The following TBC1D22A variants were observed in gnomAD, a reference collection of about 807,000 sequenced individuals.
The protein encoded by TBC1D22A is putative GTPase activator.
In TBC1D22A, 38 loss-of-function variants were observed where a neutral mutation model predicts 60.2. That is an observed-to-expected ratio of 0.63 (90% CI 0.49 to 0.83). TBC1D22A has a LOEUF of 0.83. Among genes scored for constraint, TBC1D22A ranks in the 40% least tolerant of loss-of-function variants. TBC1D22A has a pLI of 0.00. For synonymous variants in TBC1D22A, 302 were observed against 281.7 expected (o/e 1.07, Z -0.72); for missense variants, 628 against 701.0 (o/e 0.90, Z 1.18).
intron 1 of TBC1D22A, among the ~76,000 whole-genome samples, chr22:46,770,545 C>G (rs1419528996): frequency 2.0e-5 from 3 of 152,232 alleles, no homozygotes; most frequent in African/African-American, 7.2e-5. Flanking sequence ...CCTCCCTCAG[C>G]AGAGTCCTGC....
chr22:47,125,674 A>G (rs2066426893), intron 12 of TBC1D22A, among the ~76,000 whole-genome samples: 1 of 152,222 alleles, frequency 6.6e-6, no homozygotes, highest in African/African-American at 2.4e-5. Context: ...TAAAACAAGT[A>G]ATGAGATCTT....
intron 4 of TBC1D22A, among the ~76,000 whole-genome samples, chr22:46,856,581 T>G (rs1237718602): frequency 1.3e-5 from 2 of 152,162 alleles, no homozygotes; most frequent in African/African-American, 4.8e-5. Flanking sequence ...AAAAAAACAG[T>G]GTAATTAGAC....
At chr22:47,143,191 C>T (rs941552211) in intron 12 of TBC1D22A, among the ~76,000 whole-genome samples, 2 of 152,106 alleles carry the variant, frequency 1.3e-5, no homozygotes, top group Non-Finnish European at 2.9e-5. Flanking sequence ...GGATCGGTAC[C>T]CTGGAGCCAC....
Position 47,102,167 on chromosome 22 carries a change from C to T in TBC1D22A, c.1330-9341C>T, listed in dbSNP as rs145006141. Among the ~76,000 whole-genome samples, 1,245 of 152,322 alleles carry T rather than the reference C, an allele frequency of 8.2e-3. 15 individuals are homozygous for T. The highest frequency in any genetic ancestry group is 0.026 in the African/African-American group (1,101 of 41,564). On this transcript the variant is annotated intron_variant, in intron 11 of 12. Coordinates refer to ENST00000337137, the MANE Select transcript of TBC1D22A (RefSeq NM_014346.5). Reference sequence around the variant, plus strand: ...CTGAGGATCCTTTCTCAGTCTCTGGCGCCTTCCTTTACCTCCCCAAAGTAG... The same window carrying T: ...CTGAGGATCCTTTCTCAGTCTCTGGTGCCTTCCTTTACCTCCCCAAAGTAG...
At chr22:47,066,878 T>C (rs7286050) in intron 11 of TBC1D22A, among the ~76,000 whole-genome samples, 3,869 of 152,222 alleles carry the variant, frequency 0.025, 170 homozygotes, top group African/African-American at 0.089. Context: ...GCAAATCCTG[T>C]CTCGAATGGG....
chr22:47,100,410 G>A (rs1401827967), intron 11 of TBC1D22A, among the ~76,000 whole-genome samples: 3 of 152,080 alleles, frequency 2.0e-5, no homozygotes, highest in Non-Finnish European at 4.4e-5. Context: ...GGCAAGGCCT[G>A]GAGAGCAGGG....
intron 12 of TBC1D22A, among the ~76,000 whole-genome samples, chr22:47,163,328 A>G (rs910751803): frequency 1.3e-5 from 2 of 152,132 alleles, no homozygotes; most frequent in African/African-American, 2.4e-5. Context: ...TGGGGACCCC[A>G]TTTGTCTTGC....
At chr22:46,854,393 T>C (rs1177856883) in intron 4 of TBC1D22A, among the ~76,000 whole-genome samples, 2 of 152,184 alleles carry the variant, frequency 1.3e-5, no homozygotes, top group East Asian at 3.8e-4. Context: ...TCCCGTTCCC[T>C]GCTCCTCCTC....
chr22:46,802,829 T>G (rs1037859730), intron 4 of TBC1D22A, among the ~76,000 whole-genome samples: 8 of 89,102 alleles, frequency 9.0e-5, no homozygotes, highest in South Asian at 3.6e-4. Context: ...GGGGCAAGAG[T>G]GGAGGCCGTG....
rs769322904 is a variant in TBC1D22A at position 47,076,361 on chromosome 22, G to GTATATATATATATATATATATATATA, written c.1330-35127_1330-35126insTATATATATATATATATATATATATA. Among the ~76,000 whole-genome samples the GTATATATATATATATATATATATATA allele has an allele frequency of 9.8e-5, 10 of 101,912 alleles. No homozygotes were observed. In the East Asian group the frequency reaches 1.4e-3, roughly 14 times the overall value. The allele number at this position is 101,912 out of a possible 152,430, so 66.9% of individuals were successfully genotyped here. A position where few individuals can be genotyped will look rare whatever the true frequency, so the allele number is the denominator to read the frequency against. On this transcript the variant is annotated intron_variant, in intron 11 of 12. Coordinates refer to ENST00000337137, the MANE Select transcript of TBC1D22A (RefSeq NM_014346.5). The stretch of plus-strand genomic sequence containing the variant: ...TGTGTGTATATATATATATGTGTGT[G>GTATATATATATATATATATATATATA]TATATATATATATATATATACACAC...
In TBC1D22A at chr22:47,155,701, C is replaced by T. The variant is rs188392843; in HGVS notation, c.1426-17797C>T. ...CCCAGACACCACGGCCGTTCTCCCACGGTCTCCTGTGCTCACAAGACAGAG... is the reference window on the plus strand; with the variant it reads ...CCCAGACACCACGGCCGTTCTCCCATGGTCTCCTGTGCTCACAAGACAGAG... On this transcript the variant is annotated intron_variant, in intron 12 of 12. Coordinates refer to ENST00000337137, the MANE Select transcript of TBC1D22A (RefSeq NM_014346.5). Among the ~76,000 whole-genome samples the T allele has an allele frequency of 6.7e-5, 10 of 148,572 alleles. No homozygotes were observed. In the East Asian group the frequency reaches 1.7e-3, roughly 26 times the overall value.
chr22:46,768,827 C>G (rs1342323504), intron 1 of TBC1D22A, among the ~76,000 whole-genome samples: 1 of 152,090 alleles, frequency 6.6e-6, no homozygotes, highest in Non-Finnish European at 1.5e-5. Flanking sequence ...GGCGCTCTGG[C>G]TCATGCCTGT....
chr22:46,800,800 C>G (rs575098302), intron 4 of TBC1D22A, among the ~76,000 whole-genome samples: 1 of 152,078 alleles, frequency 6.6e-6, no homozygotes, highest in Admixed American at 6.6e-5. Flanking sequence ...GTGCTATTGA[C>G]GTATATGGTC....
chr22:47,077,116 T>A (rs1458946991), intron 11 of TBC1D22A, among the ~76,000 whole-genome samples: 1 of 152,340 alleles, frequency 6.6e-6, no homozygotes, highest in East Asian at 1.9e-4. Context: ...TTGTTCCTGG[T>A]GCCAATGGCT....
intron 4 of TBC1D22A, among the ~76,000 whole-genome samples, chr22:46,871,586 T>G (rs2067296529): frequency 6.6e-6 from 1 of 152,230 alleles, no homozygotes. Context: ...GAAATTTACC[T>G]GCATACTTCT....
chr22:46,811,399 G>A (rs2085370418), intron 4 of TBC1D22A, among the ~76,000 whole-genome samples: 1 of 152,212 alleles, frequency 6.6e-6, no homozygotes, highest in South Asian at 2.1e-4. Context: ...CACTTGAGTT[G>A]TGTGGCTTCT....
chr22:46,773,015 C>T (rs1470968061), intron 1 of TBC1D22A, among the ~76,000 whole-genome samples: 3 of 152,210 alleles, frequency 2.0e-5, no homozygotes, highest in Non-Finnish European at 2.9e-5. Flanking sequence ...TGAACGGCCA[C>T]AGTGTAGCAC....
intron 11 of TBC1D22A, among the ~76,000 whole-genome samples, chr22:47,054,322 T>TG (rs2063318921): frequency 6.6e-6 from 1 of 152,194 alleles, no homozygotes; most frequent in African/African-American, 2.4e-5. Context: ...GAAGAGCTGG[T>TG]GGAGACGATG....
intron 11 of TBC1D22A, among the ~76,000 whole-genome samples, chr22:47,063,404 C>T (rs1164780874): frequency 6.6e-6 from 1 of 152,054 alleles, no homozygotes; most frequent in African/African-American, 2.4e-5. Flanking sequence ...CCTGGAGCCC[C>T]GTGGGTGGAA....
Sources: gnomAD v4.1 joint callset for allele counts (sites outside exome capture counted in the v4.1 genomes callset) on GRCh38, gnomAD v4.1.1 for gene constraint, MANE v1.5 for transcripts, NCBI Gene and HGNC (gene_info 2026-07-23, HGNC 2026-07-21) for gene names.